FHOD3: variants seen among roughly 807,000 people sequenced by gnomAD.
FHOD3 encodes FH1/FH2 domain-containing protein 3.
FHOD3 carries 90 observed loss-of-function variants against 173.0 expected under a neutral mutation model. The ratio of observed to expected loss-of-function variants is 0.52; its 90% CI spans 0.44 to 0.62. The LOEUF is 0.62. Among genes scored for constraint, FHOD3 ranks in the 20% least tolerant of loss-of-function variants. FHOD3 has a pLI of 0.00. For missense variants in FHOD3, 1,945 were observed against 2,034.7 expected, an observed-to-expected ratio of 0.96 and a Z score of 0.85; for synonymous variants, 828 against 823.0, an observed-to-expected ratio of 1.01 and a Z score of -0.10.
At chr18:36,351,725 G>T (rs1439528947) in intron 1 of FHOD3, among the ~76,000 whole-genome samples, 2 of 152,206 alleles carry the variant, frequency 1.3e-5, no homozygotes, top group Non-Finnish European at 2.9e-5. Context: ...ACAGTTTGGG[G>T]CTGGCACAAA....
intron 7 of FHOD3, among the ~76,000 whole-genome samples, chr18:36,599,452 A>G (rs2031019636): frequency 6.6e-6 from 1 of 152,180 alleles, no homozygotes; most frequent in Non-Finnish European, 1.5e-5. Context: ...AAGATCGTGT[A>G]AAGTGTAGTG....
intron 1 of FHOD3, among the ~76,000 whole-genome samples, chr18:36,323,684 A>G (rs2145022994): frequency 6.6e-6 from 1 of 152,280 alleles, no homozygotes; most frequent in East Asian, 1.9e-4. Context: ...TGTCACCAAG[A>G]CTGCTCTCCC....
At chr18:36,574,628 A>T (rs1428130123) in intron 5 of FHOD3, among the ~76,000 whole-genome samples, 7 of 152,008 alleles carry the variant, frequency 4.6e-5, no homozygotes, top group African/African-American at 1.4e-4. Context: ...AATTCTGTGA[A>T]TTTTTTTATT....
intron 1 of FHOD3, among the ~76,000 whole-genome samples, chr18:36,321,499 G>A (rs2044390705): frequency 6.6e-6 from 1 of 152,234 alleles, no homozygotes; most frequent in East Asian, 1.9e-4. Flanking sequence ...CTGGCTTGGA[G>A]CTTTCTGCAA....
chr18:36,581,184 A>G (rs542448098), intron 6 of FHOD3, among the ~76,000 whole-genome samples: 27 of 152,388 alleles, frequency 1.8e-4, no homozygotes, highest in Non-Finnish European at 2.9e-4. Flanking sequence ...ACAAGAGCCA[A>G]TCTTTAAACT....
At chr18:36,526,662 C>T (rs941203570) in intron 5 of FHOD3, among the ~76,000 whole-genome samples, 4 of 152,188 alleles carry the variant, frequency 2.6e-5, no homozygotes, top group Admixed American at 6.5e-5. Context: ...CTCAGCCTCC[C>T]GAAGTGCTGA....
At chr18:36,639,837 A>G (rs1954477137) in intron 10 of FHOD3, among the ~76,000 whole-genome samples, 1 of 151,750 alleles carries the variant, frequency 6.6e-6, no homozygotes, top group African/African-American at 2.4e-5. Context: ...TTAAACACAA[A>G]GTCAAGGTAT....
rs189874934 is a variant in FHOD3, at chr18:36,740,047, G to A, written c.3577-609G>A. On this transcript the variant is annotated intron_variant, in intron 20 of 28. Coordinates refer to ENST00000590592, the MANE Select transcript of FHOD3 (RefSeq NM_001281740.3). ...AATGTAATCACAAAGGAATTTGAGC[G>A]TAGGAGAATCATAAGTATTCTGGTG... 1.6e-3 allele frequency among the ~76,000 whole-genome samples: 242 copies of A among 152,268 alleles called. 1 individual carries two copies. Among genetic ancestry groups the A allele is most frequent in the Middle Eastern group, 3.4e-3 (1 of 294 alleles).
intron 10 of FHOD3, among the ~76,000 whole-genome samples, chr18:36,634,657 A>G (rs903322100): frequency 2.0e-5 from 3 of 152,106 alleles, no homozygotes; most frequent in Non-Finnish European, 2.9e-5. Flanking sequence ...GCAGTGAAGG[A>G]GCAGCAGGTG....
At chr18:36,588,874 C>A (rs2059123969) in intron 6 of FHOD3, among the ~76,000 whole-genome samples, 1 of 152,212 alleles carries the variant, frequency 6.6e-6, no homozygotes, top group Non-Finnish European at 1.5e-5. Flanking sequence ...AAAACAACAG[C>A]AAGAACAAGG....
intron 5 of FHOD3, among the ~76,000 whole-genome samples, chr18:36,560,461 A>G (rs2058045225): frequency 6.6e-6 from 1 of 152,208 alleles, no homozygotes; most frequent in Non-Finnish European, 1.5e-5. Flanking sequence ...TAGAGCCTGC[A>G]CTTGCCACTA....
intron 13 of FHOD3, among the ~76,000 whole-genome samples, chr18:36,654,474 C>T (rs773520726): frequency 3.0e-4 from 45 of 151,852 alleles, no homozygotes; most frequent in African/African-American, 7.0e-4. Flanking sequence ...TTTTTCAAAA[C>T]CTTGGGGCTT....
intron 16 of FHOD3, among the ~76,000 whole-genome samples, chr18:36,687,389 A>G (rs753775602): frequency 3.9e-5 from 6 of 152,158 alleles, no homozygotes; most frequent in South Asian, 4.1e-4. Context: ...AAGTGTGTCT[A>G]TTCCTTCAAA....
intron 2 of FHOD3, among the ~76,000 whole-genome samples, chr18:36,355,883 C>CCTAGG (rs2046336946): frequency 1.3e-5 from 2 of 152,294 alleles, no homozygotes; most frequent in South Asian, 2.1e-4. Context: ...TTGTGGTAAT[C>CCTAGG]AAGCACATGG....
intron 2 of FHOD3, among the ~76,000 whole-genome samples, chr18:36,357,547 G>T (rs1330944238): frequency 6.6e-6 from 1 of 152,198 alleles, no homozygotes; most frequent in African/African-American, 2.4e-5. Context: ...TGTGAGAAAG[G>T]ATCCTGGAAA....
chr18:36,386,549 C>G (rs2048041054), intron 3 of FHOD3, among the ~76,000 whole-genome samples: 1 of 152,222 alleles, frequency 6.6e-6, no homozygotes, highest in Non-Finnish European at 1.5e-5. Context: ...TGTGAGTCAC[C>G]TGTGTGTGCT....
intron 3 of FHOD3, among the ~76,000 whole-genome samples, chr18:36,399,410 A>T (rs528903674): frequency 6.6e-6 from 1 of 152,310 alleles, no homozygotes; most frequent in East Asian, 1.9e-4. Flanking sequence ...GAGTTTTCTG[A>T]TGTGGATTAA....
intron 10 of FHOD3, among the ~76,000 whole-genome samples, chr18:36,639,114 G>T (rs987642818): frequency 6.6e-6 from 1 of 152,178 alleles, no homozygotes; most frequent in Non-Finnish European, 1.5e-5. Context: ...GCCTCTGAAG[G>T]CTGCCTTCCT....
chr18:36,462,710 G>A (rs1294273992), intron 3 of FHOD3, among the ~76,000 whole-genome samples: 1 of 152,188 alleles, frequency 6.6e-6, no homozygotes, highest in Non-Finnish European at 1.5e-5. Context: ...CTGCAACCTT[G>A]AACTCCTAAG....
Sources: gnomAD v4.1 joint callset for allele counts (sites outside exome capture counted in the v4.1 genomes callset) on GRCh38, gnomAD v4.1.1 for gene constraint, MANE v1.5 for transcripts, NCBI Gene and HGNC (gene_info 2026-07-23, HGNC 2026-07-21) for gene names.